The following SBNO2 variants were observed in gnomAD, a reference collection of about 807,000 sequenced individuals.
SBNO2 encodes protein strawberry notch homolog 2.
Under a neutral mutation model 146.3 loss-of-function variants are expected in SBNO2, and 89 were observed. The observed-to-expected ratio is 0.61, with a 90% CI of 0.51 to 0.73. The LOEUF (loss-of-function observed/expected upper bound fraction) is 0.73. SBNO2 is among the 30% of genes least tolerant of loss of function. The pLI, the probability that SBNO2 is intolerant of heterozygous loss-of-function variation, is 0.00. For missense variants in SBNO2, 2,092 were observed against 2,003.7 expected (o/e 1.04, Z -0.84); for synonymous variants, 1,147 against 892.6 (o/e 1.29, Z -5.08).
chr19:1,110,910 C>T lies in SBNO2; in HGVS notation c.2885-22G>A, dbSNP rs749595979. 162 of 1,612,054 alleles carry T rather than the reference C, an allele frequency of 1.0e-4. 1 individual carries two copies. In the South Asian group the frequency reaches 1.7e-3, roughly 17 times the overall value. ...CAGTCTGGTAGGGGAGGGAGCCAAG[C>T]CTCAGGCTGCGCTGGGAATCCCTCT... is the stretch of plus-strand genomic sequence containing the variant. On this transcript the variant is annotated intron_variant, in intron 25 of 31. Coordinates refer to ENST00000361757, the MANE Select transcript of SBNO2 (RefSeq NM_014963.3). This position sits in a 1 kb window ranked among gnomAD's most constrained non-coding sequence, Gnocchi z 4.9.
Position 1,126,146 on chromosome 19 carries a change from G to A in SBNO2, c.441+1458C>T, listed in dbSNP as rs1446470652. On this transcript the variant is annotated intron_variant, in intron 5 of 31. Transcript: ENST00000361757. The surrounding 1 kb of genome is among the most constrained non-coding windows in gnomAD (Gnocchi z 4.4). Reference sequence around the variant, plus strand: ...AGTGTGTGGGAGCCACCAGGCTAGTGATGCTAATGAACTGAGTCCACAGCT... The same window carrying A: ...AGTGTGTGGGAGCCACCAGGCTAGTAATGCTAATGAACTGAGTCCACAGCT... 3.9e-5 allele frequency among the ~76,000 whole-genome samples: 6 copies of A among 152,212 alleles called. No individual in the cohort carries two copies. Among genetic ancestry groups the A allele is most frequent in the Admixed American group, 3.9e-4 (6 of 15,280 alleles).
chr19:1,112,851 G>C lies in SBNO2; in HGVS notation c.2346C>G (p.Leu782=). 1 of 1,576,382 alleles carries C rather than the reference G, an allele frequency of 6.3e-7. No homozygotes were observed. The highest frequency in any genetic ancestry group is 1.2e-5 in the South Asian group (1 of 85,958). ...EQGLSIDHVN[L]REKQRFMSGE... ...CGCTCATGAAGCGCTGCTTCTCCCT[G>C]AGGTTCACGTGGTCGATGGACAGAC... is the stretch of plus-strand genomic sequence containing the variant. The change falls in exon 20 of 32, where the codon CTC becomes CTG. Residue 782 remains leucine (L), a synonymous_variant. Coordinates refer to ENST00000361757, the MANE Select transcript of SBNO2 (RefSeq NM_014963.3). The surrounding 1 kb of genome is among the most constrained non-coding windows in gnomAD (Gnocchi z 5.9).
intron 1 of SBNO2, among the ~76,000 whole-genome samples, chr19:1,172,778 G>GCCACCCC (rs2080491514): frequency 5.5e-5 from 2 of 36,300 alleles, no homozygotes; most frequent in Admixed American, 4.0e-4. Flanking sequence ...CACTGCAACC[G>GCCACCCC]CCCCCCCCGC....
intron 2 of SBNO2, 52 bp downstream of exon 2, chr19:1,154,132 G>T (rs762998197): frequency 1.2e-5 from 11 of 910,722 alleles, no homozygotes; most frequent in Non-Finnish European, 1.6e-5. Flanking sequence ...TCGGAGCGGG[G>T]CAAGTGCCCG....
At chr19:1,154,699 G>A (rs967394980) in intron 1 of SBNO2, among the ~76,000 whole-genome samples, 2 of 152,214 alleles carry the variant, frequency 1.3e-5, no homozygotes, top group African/African-American at 4.8e-5. Context: ...GTAGGACCAG[G>A]CACCCAGACT....
Position 1,123,203 on chromosome 19 carries a change from G to A in SBNO2, c.629-158C>T, listed in dbSNP as rs547723570. Among the ~76,000 whole-genome samples, 536 of 151,818 alleles carry A rather than the reference G, an allele frequency of 3.5e-3. 1 individual carries two copies. The highest frequency in any genetic ancestry group is 0.012 in the African/African-American group (501 of 41,396). On this transcript the variant is annotated intron_variant, in intron 7 of 31. Transcript: ENST00000361757. ...TTGGGCGGGTCATGGGCGTGGCCAG[G>A]AATGCCTGGGTGGAGGAGTGGTCAG...
At chr19:1,120,114 T>C (rs2145217720) in intron 11 of SBNO2, 91 bp from the exon 12 acceptor site, 2 of 1,002,902 alleles carry the variant, frequency 2.0e-6, no homozygotes, top group Non-Finnish European at 3.0e-6. Context: ...ACCTTCCTGG[T>C]GGGGGGCAAA....
intron 9 of SBNO2, 26 bp downstream of exon 9, chr19:1,122,632 G>A (rs778290401): frequency 1.5e-4 from 65 of 442,212 alleles, no homozygotes; most frequent in Admixed American, 3.3e-4. Context: ...CCCCGCTCCC[G>A]CCCCCTGCCC....
chr19:1,109,502 C>G lies in SBNO2; in HGVS notation c.3216+4G>C. On this transcript the variant is annotated splice_donor_region_variant and intron_variant, in intron 28 of 31. Transcript: ENST00000361757. The surrounding 1 kb of genome is among the most constrained non-coding windows in gnomAD (Gnocchi z 4.2). The stretch of plus-strand genomic sequence containing the variant: ...TCTGGGGGGGTAACCCCGCCCGACC[C>G]CACCTTGTAGGAGAGGTAGAAGCCG... 2 of 1,592,468 alleles carry G rather than the reference C, an allele frequency of 1.3e-6. No homozygotes were observed. Among genetic ancestry groups the G allele is most frequent in the South Asian group, 2.3e-5 (2 of 88,002 alleles).
chr19:1,117,267 G>A, intron 15 of SBNO2, 56 bp downstream of exon 15: 1 of 1,489,140 alleles, frequency 6.7e-7, no homozygotes, highest in Non-Finnish European at 9.0e-7. Context: ...AAGAAGAGCA[G>A]CCTCCGCCCC....
intron 5 of SBNO2, 33 bp from the exon 6 acceptor site, chr19:1,124,055 GACGGGAC>G (rs1332961448): frequency 3.8e-6 from 6 of 1,594,286 alleles, no homozygotes; most frequent in Non-Finnish European, 5.1e-6. Flanking sequence ...GCCCGGGCCA[GACGGGAC>G]AGGTCACAGC....
chr19:1,166,203 TCCCCAGATCCCAGACCCGAGATTCCAGA>T (rs1568648791), intron 1 of SBNO2, among the ~76,000 whole-genome samples: 2 of 34,448 alleles, frequency 5.8e-5, no homozygotes. Flanking sequence ...GATCCCCGGA[TCCCCAGATCCCAGACCCGAGATTCCAGA>T]CCCCAGATCC....
At chr19:1,115,439 C>T (rs892316207) in intron 17 of SBNO2, 3 of 152,378 alleles carry the variant, frequency 2.0e-5, no homozygotes, top group Non-Finnish European at 4.4e-5. Flanking sequence ...CAGGGTCTCA[C>T]CATGTTGGCC....
rs2080122418 is a variant in SBNO2 at position 1,140,249 on chromosome 19, G to A, written c.279+7060C>T. Among the ~76,000 whole-genome samples, 2 of 151,352 alleles carry A rather than the reference G, an allele frequency of 1.3e-5. No homozygotes were observed. The highest frequency in any genetic ancestry group is 2.4e-5 in the African/African-American group (1 of 41,238). On this transcript the variant is annotated intron_variant, in intron 4 of 31. Transcript: ENST00000361757. The surrounding 1 kb of genome is among the most constrained non-coding windows in gnomAD (Gnocchi z 4.4). ...CAGGAGGCGTTGGTTGCAGTGAGCC[G>A]AGGTCACGCCACTGCACTCCAGCCT...
Position 1,136,347 on chromosome 19 carries a change from C to T in SBNO2, c.280-8582G>A, listed in dbSNP as rs1421340761. On this transcript the variant is annotated intron_variant, in intron 4 of 31. Transcript: ENST00000361757. This position sits in a 1 kb window ranked among gnomAD's most constrained non-coding sequence, Gnocchi z 4.2. Reference sequence around the variant, plus strand: ...ACTGGGCTCCCTTCTGTCAGGGTTCCGGCCAGGTGCCTGGTATGGGCCCTG... The same window carrying T: ...ACTGGGCTCCCTTCTGTCAGGGTTCTGGCCAGGTGCCTGGTATGGGCCCTG... Among the ~76,000 whole-genome samples the T allele has an allele frequency of 6.6e-6, 1 of 152,202 alleles. No homozygotes were observed. Among genetic ancestry groups the T allele is most frequent in the Non-Finnish European group, 1.5e-5 (1 of 68,022 alleles).
At chr19:1,160,679 G>A (rs761634818) in intron 1 of SBNO2, among the ~76,000 whole-genome samples, 19 of 152,080 alleles carry the variant, frequency 1.2e-4, no homozygotes, top group African/African-American at 3.9e-4. Flanking sequence ...ACAGGCACCC[G>A]CCACCACGGC....
At chr19:1,121,959 C>G (rs1362100647) in intron 11 of SBNO2, among the ~76,000 whole-genome samples, 180 bp downstream of exon 11, 1 of 152,122 alleles carries the variant, frequency 6.6e-6, no homozygotes, top group Non-Finnish European at 1.5e-5. Context: ...TGGCCACATC[C>G]AGGGTAGTGA....
chr19:1,110,725 A>AC lies in SBNO2; in HGVS notation c.3028+19dup. On this transcript the variant is annotated intron_variant, in intron 26 of 31. Coordinates refer to ENST00000361757, the MANE Select transcript of SBNO2 (RefSeq NM_014963.3). The surrounding 1 kb of genome is among the most constrained non-coding windows in gnomAD (Gnocchi z 4.9). The stretch of plus-strand genomic sequence containing the variant: ...CCGCACCCACACCCACCCACACCAC[A>AC]CCCCGGCACCTGTGCTCACCCAGGA... 1 of 1,602,910 alleles carries AC rather than the reference A, an allele frequency of 6.2e-7. No homozygotes were observed. The highest frequency in any genetic ancestry group is 1.4e-5 in the African/African-American group (1 of 71,094).
rs1391390949 is a variant in SBNO2, at chr19:1,112,221, C to A, written c.2596G>T (p.Ala866Ser). ...ISELAGERRF[A>S]SIVAKRLESL... ...TCCAGGCGCTTGGCCACGATGGAGGCGAACCGGCGCTCCCCGGCCAGCTCC... is the reference window on the plus strand; with the variant it reads ...TCCAGGCGCTTGGCCACGATGGAGGAGAACCGGCGCTCCCCGGCCAGCTCC... The change falls in exon 22 of 32, where the codon GCC becomes TCC. Residue 866 changes from alanine (A) to serine (S), a missense_variant. By Grantham distance (99) the Ala-to-Ser change is moderately conservative (BLOSUM62 1). Coordinates refer to ENST00000361757, the MANE Select transcript of SBNO2 (RefSeq NM_014963.3). The surrounding 1 kb of genome is among the most constrained non-coding windows in gnomAD (Gnocchi z 5.9). 6.3e-7 allele frequency: 1 copy of A among 1,589,934 alleles called. No homozygotes were observed.
Sources: allele counts gnomAD v4.1 joint callset (sites outside exome capture counted in the v4.1 genomes callset), GRCh38; gene constraint gnomAD v4.1.1; non-coding constraint Gnocchi (gnomAD v3.1); transcripts MANE v1.5; gene names NCBI Gene and HGNC (gene_info 2026-07-23, HGNC 2026-07-21).